Variants in MROH9 observed in about 807,000 individuals in gnomAD.
The protein encoded by MROH9 is maestro heat like repeat family member 9.
A neutral mutation model predicts 98.2 loss-of-function variants in MROH9; 92 were observed. That is an observed-to-expected ratio of 0.94 (90% confidence interval 0.79 to 1.11). The LOEUF (loss-of-function observed/expected upper bound fraction) is 1.11, where lower values mean the gene tolerates loss of function less well. MROH9 is among the 50% of genes most tolerant of loss of function. The pLI is 0.00. For missense variants in MROH9, 1,057 were observed against 1,014.8 expected, an observed-to-expected ratio of 1.04 and a Z score of -0.57; for synonymous variants, 397 against 368.9, an observed-to-expected ratio of 1.08 and a Z score of -0.87.
intron 20 of MROH9, among the ~76,000 whole-genome samples, chr1:171,052,592 T>C (rs58349988): frequency 0.15 from 22,334 of 152,056 alleles, 1,965 homozygotes; most frequent in African/African-American, 0.24. Context: ...GTGGTTTAGG[T>C]TCCTAATCCA....
chr1:170,980,845 G>A (rs1455363166), intron 8 of MROH9, among the ~76,000 whole-genome samples: 3 of 152,002 alleles, frequency 2.0e-5, no homozygotes, highest in Non-Finnish European at 4.4e-5. Flanking sequence ...CTACAGAATG[G>A]GAGAAAATGT....
At chr1:170,970,513 T>C (rs978685668) in intron 7 of MROH9, among the ~76,000 whole-genome samples, 2 of 151,944 alleles carry the variant, frequency 1.3e-5, no homozygotes, top group Non-Finnish European at 2.9e-5. Flanking sequence ...AGAGCTCCTA[T>C]AAGGGGAAGG....
chr1:170,959,088 TGGCTGGGCCA>T (rs1649904600), intron 4 of MROH9, among the ~76,000 whole-genome samples: 1 of 151,924 alleles, frequency 6.6e-6, no homozygotes, highest in South Asian at 2.1e-4. Flanking sequence ...CACTAAGAAA[TGGCTGGGCCA>T]GGCACGGTGG....
rs554915861 is a variant in MROH9 at position 171,014,254 on chromosome 1, G to A, written c.1734G>A (p.Lys578=). 1 of 1,549,076 alleles carries A rather than the reference G, an allele frequency of 6.5e-7. No individual in the cohort carries two copies. Among genetic ancestry groups the A allele is most frequent in the Admixed American group, 2.0e-5 (1 of 50,588 alleles). The change falls in exon 16 of 22, where the codon AAG becomes AAA. Residue 578 remains lysine (K), a splice_region_variant and synonymous_variant. Coordinates refer to ENST00000367759, the MANE Select transcript of MROH9 (RefSeq NM_001163629.2). ...RIVHMSPIIN[K]TENVSSILIA... ...TCCACATGTCACCAATTATCAATAA[G>A]GTATGTGTATGTGATTTGTGTCTGC...
chr1:171,064,156 C>G lies in MROH9; in HGVS notation c.2402C>G (p.Thr801Ser). ...ATGATCAAACAGTTGGCTGAAATAACCTATGATATTTTTAAGAAAAAAGCC... is the reference window on the plus strand; with the variant it reads ...ATGATCAAACAGTTGGCTGAAATAAGCTATGATATTTTTAAGAAAAAAGCC... ...DPMIKQLAEI[T>S]YDIFKKKAHK... The change falls in exon 22 of 22, where the codon ACC becomes AGC. Residue 801 changes from threonine to serine, a missense_variant. By Grantham distance (58) the Thr-to-Ser change is moderately conservative. Transcript: ENST00000367759. 1 of 1,550,944 alleles carries G rather than the reference C, an allele frequency of 6.4e-7. No individual in the cohort carries two copies. The highest frequency in any genetic ancestry group is 8.7e-7 in the Non-Finnish European group (1 of 1,146,814).
intron 20 of MROH9, among the ~76,000 whole-genome samples, chr1:171,037,005 A>G (rs1418179820): frequency 6.6e-6 from 1 of 151,786 alleles, no homozygotes; most frequent in East Asian, 1.9e-4. Flanking sequence ...AATAGCGTTT[A>G]TGAAAGGACA....
At position 171,024,647 on chromosome 1, in the gene MROH9, A is replaced by T; in HGVS notation, c.2062-2A>T. 6.5e-7 allele frequency: 1 copy of T among 1,545,802 alleles called. No individual in the cohort carries two copies. The highest frequency in any genetic ancestry group is 8.8e-7 in the Non-Finnish European group (1 of 1,142,850). ...CTTCACCGGCCTTTTTCTGTCTCAC[A>T]GGCATGTAAATATACATTAAAAATC... On this transcript the variant is annotated splice_acceptor_variant, in intron 18 of 21. Coordinates refer to ENST00000367759, the MANE Select transcript of MROH9 (RefSeq NM_001163629.2). LOFTEE classifies it high-confidence loss of function.
intron 4 of MROH9, 68 bp from the exon 5 acceptor site, chr1:170,959,394 A>ATAAT (rs1649920052): frequency 2.2e-6 from 3 of 1,379,112 alleles, no homozygotes; most frequent in Non-Finnish European, 2.9e-6. Context: ...AAATAAATAA[A>ATAAT]TAAAGCCCAC....
intron 11 of MROH9, among the ~76,000 whole-genome samples, chr1:170,991,732 T>A (rs779134251): frequency 1.3e-4 from 20 of 152,156 alleles, no homozygotes; most frequent in Non-Finnish European, 5.9e-5. Flanking sequence ...AGTTCATTTT[T>A]ATTTAGGATT....
intron 8 of MROH9, among the ~76,000 whole-genome samples, chr1:170,979,876 G>A (rs536536021): frequency 6.6e-6 from 1 of 152,206 alleles, no homozygotes; most frequent in South Asian, 2.1e-4. Context: ...GAACTGATAA[G>A]CAACTTTAGC....
At chr1:170,980,298 A>G (rs1650881074) in intron 8 of MROH9, among the ~76,000 whole-genome samples, 1 of 152,216 alleles carries the variant, frequency 6.6e-6, no homozygotes. Flanking sequence ...CTAAGCAAAA[A>G]GAACAAAGTT....
In MROH9 at chr1:171,036,788, TAA is replaced by T. The variant is rs569866228; in HGVS notation, c.2281+11379_2281+11380del. Among the ~76,000 whole-genome samples the T allele has an allele frequency of 7.3e-4, 101 of 138,698 alleles. 1 individual carries two copies. The highest frequency in any genetic ancestry group is 2.4e-3 in the African/African-American group (97 of 39,726). 91.0% of individuals were successfully genotyped at this position (138,698 alleles called of 152,430 possible). A position where few individuals can be genotyped will look rare whatever the true frequency, so the allele number is the denominator to read the frequency against. On this transcript the variant is annotated intron_variant, in intron 20 of 21. Coordinates refer to ENST00000367759, the MANE Select transcript of MROH9 (RefSeq NM_001163629.2). Reference sequence around the variant, plus strand: ...TCACCAGAATAGATGAATACAAAAATAAAAAAAAAAAACTTTGAGTAAAATGA... The same window carrying T: ...TCACCAGAATAGATGAATACAAAAATAAAAAAAAAACTTTGAGTAAAATGA...
chr1:171,046,995 C>T (rs1653489817), intron 20 of MROH9, among the ~76,000 whole-genome samples: 1 of 152,166 alleles, frequency 6.6e-6, no homozygotes, highest in Non-Finnish European at 1.5e-5. Context: ...GTCACTCTCT[C>T]ATGGCCTGTA....
chr1:170,968,244 G>T (rs574808508), intron 7 of MROH9, among the ~76,000 whole-genome samples: 20 of 152,268 alleles, frequency 1.3e-4, no homozygotes, highest in African/African-American at 4.6e-4. Context: ...TTAATTCAAA[G>T]GATTAATTGA....
chr1:171,020,560 A>G (rs550055980), intron 17 of MROH9, among the ~76,000 whole-genome samples: 1 of 152,282 alleles, frequency 6.6e-6, no homozygotes, highest in Admixed American at 6.5e-5. Flanking sequence ...ATAAAATTCA[A>G]CATTCCTTCA....
At chr1:171,031,427 T>A (rs892152193) in intron 20 of MROH9, among the ~76,000 whole-genome samples, 2 of 152,154 alleles carry the variant, frequency 1.3e-5, no homozygotes, top group Non-Finnish European at 2.9e-5. Flanking sequence ...ACTGGGTGCT[T>A]TTTTTCCATG....
chr1:171,022,088 C>A lies in MROH9; in HGVS notation c.1909-2307C>A, dbSNP rs559730462. On this transcript the variant is annotated intron_variant, in intron 17 of 21. Coordinates refer to ENST00000367759, the MANE Select transcript of MROH9 (RefSeq NM_001163629.2). ...GTCAGAATGGTGATTATTAAAAAGT[C>A]AAAAAATAATAGATGCTGGCAAGGC... Among the ~76,000 whole-genome samples the A allele has an allele frequency of 5.1e-4, 78 of 152,110 alleles. 1 individual carries two copies. The South Asian group carries it at 0.012, about 24-fold the overall frequency.
At chr1:171,015,086 A>G (rs759228137) in intron 16 of MROH9, 11 of 471,202 alleles carry the variant, frequency 2.3e-5, no homozygotes, top group Non-Finnish European at 4.8e-5. Flanking sequence ...GACAGTGCAA[A>G]TGTTCTATAA....
rs577682689 is a variant in MROH9, at chr1:170,958,049, T to C, written c.73-412T>C. Among the ~76,000 whole-genome samples the C allele has an allele frequency of 3.9e-3, 593 of 152,046 alleles. 2 individuals are homozygous for C. Among genetic ancestry groups the C allele is most frequent in the African/African-American group, 0.013 (556 of 41,450 alleles). On this transcript the variant is annotated intron_variant, in intron 3 of 21. Transcript: ENST00000367759. ...TGGTCTCGATCTCCTGACCTCGTGG[T>C]CCCCCCGCCTCGGCCTCCCAAAGTG...
Sources: allele counts gnomAD v4.1 joint callset (sites outside exome capture counted in the v4.1 genomes callset), GRCh38; gene constraint gnomAD v4.1.1; transcripts MANE v1.5; gene names NCBI Gene and HGNC (gene_info 2026-07-23, HGNC 2026-07-21).